DMD: variants seen among roughly 807,000 people sequenced by gnomAD.
The protein encoded by DMD is mutant dystrophin.
Under a neutral mutation model 330.1 loss-of-function variants are expected in DMD, and 63 were observed. The observed-to-expected ratio is 0.19, with a 90% CI of 0.16 to 0.24. The LOEUF (loss-of-function observed/expected upper bound fraction) is 0.24. Ranked by LOEUF, DMD falls within the 10% of genes least tolerant of loss-of-function variation. The pLI is 1.00. For missense variants in DMD, 3,344 were observed against 2,684.1 expected, an observed-to-expected ratio of 1.25 and a Z score of -5.43; for synonymous variants, 1,223 against 959.8, an observed-to-expected ratio of 1.27 and a Z score of -5.07.
chrX:31,530,670 AAT>A (rs2073698641), intron 55 of DMD, among the ~76,000 whole-genome samples: 1 of 48,102 alleles, frequency 2.1e-5, no homozygotes, highest in African/African-American at 8.7e-5. Context: ...TTTTTTTTTT[AAT>A]TTTTTTTTTT....
In DMD at chrX:32,441,304, G is replaced by T; in HGVS notation, c.3797C>A (p.Ala1266Glu). The change falls in exon 28 of 79, where the codon GCA (alanine) becomes GAA (glutamate). Residue 1266 changes from alanine (A) to glutamate (E), a missense_variant. Coordinates refer to ENST00000357033, the MANE Select transcript of DMD (RefSeq NM_004006.3). ...GKCKTLEEVW[A>E]CWHELLSYLE... ...GTATGACAATAACTCATGCCAACAT[G>T]CCCAAACTTCCTAAGAAAGAAATAT... The T allele has an allele frequency of 2.5e-6, 3 of 1,206,129 alleles. No individual in the cohort carries two copies. In the South Asian group the frequency reaches 5.3e-5, roughly 21 times the overall value.
At position 32,389,626 on chromosome X, in the gene DMD, C is replaced by G. The variant is rs1157660398; in HGVS notation, c.4393G>C (p.Ala1465Pro). ...TCTTGTAGACGCTGCTCAAAATTGGCTGGTTTCTGGAATAATCGAAACTTC... is the reference window on the plus strand; with the variant it reads ...TCTTGTAGACGCTGCTCAAAATTGGGTGGTTTCTGGAATAATCGAAACTTC... ...SMKFRLFQKPANFEQRLQESK... is the reference protein window; with the variant it reads ...SMKFRLFQKPPNFEQRLQESK... Residue 1465 changes from alanine (A) to proline (P), a missense_variant, in exon 32 of 79, where the codon GCC becomes CCC. Ala to Pro is a conservative substitution (Grantham distance 27). Transcript: ENST00000357033. The G allele has an allele frequency of 1.7e-6, 2 of 1,208,905 alleles. No individual in the cohort carries two copies. Among genetic ancestry groups the G allele is most frequent in the Non-Finnish European group, 2.2e-6 (2 of 894,698 alleles).
At chrX:33,147,115 G>A (rs1158548602) in intron 1 of DMD, among the ~76,000 whole-genome samples, 1 of 111,359 alleles carries the variant, frequency 9.0e-6, no homozygotes, top group Non-Finnish European at 1.9e-5. Flanking sequence ...AACCACCGCC[G>A]CTGGCCAATA....
In DMD at chrX:32,530,603, A is replaced by C. The variant is rs748704966; in HGVS notation, c.2169-12472T>G. Among the ~76,000 whole-genome samples the C allele has an allele frequency of 7.1e-5, 8 of 112,106 alleles. No homozygotes were observed. The South Asian group carries it at 2.6e-3, about 36-fold the overall frequency. ...AAAAATTAAAAGGTAAGAAACCCCCACAAATTCTAAAATGTCAGATACTGC... is the reference window on the plus strand; with the variant it reads ...AAAAATTAAAAGGTAAGAAACCCCCCCAAATTCTAAAATGTCAGATACTGC... On this transcript the variant is annotated intron_variant, in intron 17 of 78. Coordinates refer to ENST00000357033, the MANE Select transcript of DMD (RefSeq NM_004006.3).
At chrX:32,891,977 G>A (rs1421874347) in intron 2 of DMD, among the ~76,000 whole-genome samples, 2 of 111,410 alleles carry the variant, frequency 1.8e-5, no homozygotes, top group Non-Finnish European at 3.8e-5. Flanking sequence ...ATAGCCACGT[G>A]ACACAGAAAT....
At chrX:31,453,765 C>A (rs763772382) in intron 59 of DMD, among the ~76,000 whole-genome samples, 30 of 8,976 alleles carry the variant, frequency 3.3e-3, no homozygotes, top group East Asian at 9.2e-3. Context: ...AAAAAACAAG[C>A]AAAAAAAAAA....
chrX:33,308,933 C>T (rs1170436627), intron 1 of DMD, among the ~76,000 whole-genome samples: 1 of 111,139 alleles, frequency 9.0e-6, no homozygotes. Context: ...AACAAACATG[C>T]GAGACCACAC....
At chrX:32,115,716 C>A (rs2096607741) in intron 44 of DMD, among the ~76,000 whole-genome samples, 1 of 111,784 alleles carries the variant, frequency 8.9e-6, no homozygotes, top group African/African-American at 3.3e-5. Context: ...TTTTCCCCAG[C>A]AAAGAACTTA....
intron 74 of DMD, among the ~76,000 whole-genome samples, chrX:31,155,432 T>C (rs987905503): frequency 2.7e-5 from 3 of 112,439 alleles, no homozygotes; most frequent in African/African-American, 9.7e-5. Flanking sequence ...ACACAGGGAT[T>C]ATTTTGTAAA....
At chrX:32,094,408 C>G (rs148132583) in intron 44 of DMD, among the ~76,000 whole-genome samples, 1,182 of 111,951 alleles carry the variant, frequency 0.011, 16 homozygotes, top group African/African-American at 0.036. Flanking sequence ...AAGATAATTA[C>G]TGATGTATAT....
chrX:31,709,225 T>C (rs79955266), intron 52 of DMD, among the ~76,000 whole-genome samples: 1,567 of 111,594 alleles, frequency 0.014, 24 homozygotes, highest in East Asian at 0.11. Context: ...GAGCCGAGAT[T>C]GAGCCACTAC....
At chrX:31,890,623 A>G (rs773160300) in intron 47 of DMD, among the ~76,000 whole-genome samples, 1 of 111,188 alleles carries the variant, frequency 9.0e-6, no homozygotes, top group Non-Finnish European at 1.9e-5. Flanking sequence ...AAACTTGCCA[A>G]TCTTCATGAT....
chrX:31,172,266 T>C, intron 73 of DMD, 82 bp downstream of exon 73: 1 of 670,412 alleles, frequency 1.5e-6, no homozygotes. Context: ...CTAATTCCTA[T>C]ATCCTGTGCT....
rs766882929 is a variant in DMD, at chrX:32,522,743, A to G, written c.2169-4612T>C. 3.6e-5 allele frequency among the ~76,000 whole-genome samples: 4 copies of G among 112,305 alleles called. No homozygotes were observed. The Admixed American group carries it at 3.8e-4, about 11-fold the overall frequency. ...ATATTTTCTAAAGTAATTCAGAGCTATTCTTTATTCTTGTTCCTCCTCCAA... is the reference window on the plus strand; with the variant it reads ...ATATTTTCTAAAGTAATTCAGAGCTGTTCTTTATTCTTGTTCCTCCTCCAA... On this transcript the variant is annotated intron_variant, in intron 17 of 78. Transcript: ENST00000357033.
At position 33,221,360 on chromosome X, in the gene DMD, G is replaced by A. The variant is rs143940312; in HGVS notation, c.7+117899C>T. ...AGAGAGGTACCTAATAGCAAGACCA[G>A]GTTTTAAAGATAACACCGTATGCAC... On this transcript the variant is annotated intron_variant, in intron 1 of 17. Transcript: ENST00000288447. 4.5e-5 allele frequency among the ~76,000 whole-genome samples: 5 copies of A among 111,140 alleles called. No individual in the cohort carries two copies. The East Asian group carries it at 1.4e-3, about 31-fold the overall frequency.
chrX:31,150,353 T>C (rs1174346315), intron 74 of DMD, among the ~76,000 whole-genome samples: 1 of 112,269 alleles, frequency 8.9e-6, no homozygotes, highest in Non-Finnish European at 1.9e-5. Context: ...CTTTTGGTTA[T>C]ATTTGGTTAA....
chrX:32,510,512 T>C (rs907931382), intron 18 of DMD, among the ~76,000 whole-genome samples: 1 of 112,000 alleles, frequency 8.9e-6, no homozygotes, highest in African/African-American at 3.2e-5. Context: ...ATGTAAACTA[T>C]ATAAGGTCAG....
At chrX:32,925,237 G>A (rs191123639) in intron 2 of DMD, among the ~76,000 whole-genome samples, 2 of 95,408 alleles carry the variant, frequency 2.1e-5, no homozygotes, top group Non-Finnish European at 4.0e-5. Context: ...AGCCTATGCA[G>A]TTCTCAGTAT....
intron 17 of DMD, among the ~76,000 whole-genome samples, chrX:32,534,223 T>C (rs772928459): frequency 1.8e-5 from 2 of 112,112 alleles, no homozygotes; most frequent in Non-Finnish European, 3.8e-5. Flanking sequence ...GACAGCCTTC[T>C]TCCTGGCTTG....
Sources: allele counts gnomAD v4.1 joint callset (sites outside exome capture counted in the v4.1 genomes callset), GRCh38; gene constraint gnomAD v4.1.1; transcripts MANE v1.5; gene names NCBI Gene and HGNC (gene_info 2026-07-23, HGNC 2026-07-21).